KLF12: variants seen among roughly 807,000 people sequenced by gnomAD.
KLF12 encodes Krueppel-like factor 12.
Under a neutral mutation model 37.8 loss-of-function variants are expected in KLF12, and 9 were observed. The ratio of observed to expected loss-of-function variants is 0.24; its 90% CI spans 0.14 to 0.42. The LOEUF (loss-of-function observed/expected upper bound fraction) is 0.42. KLF12 is among the 10% of genes least tolerant of loss of function. The probability of loss-of-function intolerance (pLI) is 1.00; values close to 1 mark genes in which losing one functional copy is unlikely to be tolerated. For synonymous variants in KLF12, 208 were observed against 202.1 expected, an observed-to-expected ratio of 1.03 and a Z score of -0.25; for missense variants, 411 against 516.0, an observed-to-expected ratio of 0.80 and a Z score of 1.97.
At chr13:73,970,610 C>G (rs2138100430) in intron 2 of KLF12, among the ~76,000 whole-genome samples, 1 of 152,314 alleles carries the variant, frequency 6.6e-6, no homozygotes, top group East Asian at 1.9e-4. Context: ...CATATGCCAA[C>G]TGGCGACATA....
the KLF12 span, among the ~76,000 whole-genome samples, chr13:74,153,043 T>A: frequency 6.6e-6 from 1 of 152,078 alleles, no homozygotes; most frequent in East Asian, 1.9e-4. Context: ...GTTTATTAAA[T>A]GTTTGCTATG....
At chr13:74,198,611 G>A in the KLF12 span, among the ~76,000 whole-genome samples, 1 of 152,068 alleles carries the variant, frequency 6.6e-6, no homozygotes, top group African/African-American at 2.4e-5. Flanking sequence ...AAAAACTGGG[G>A]CCTGTATTGT....
chr13:74,197,708 T>A, the KLF12 span, among the ~76,000 whole-genome samples: 3 of 152,202 alleles, frequency 2.0e-5, no homozygotes, highest in Admixed American at 1.3e-4. Context: ...GCAAATATAA[T>A]GTAATAGTGA....
At chr13:74,173,409 T>G in the KLF12 span, among the ~76,000 whole-genome samples, 3 of 152,220 alleles carry the variant, frequency 2.0e-5, no homozygotes, top group African/African-American at 7.2e-5. Context: ...TTCTTGCATT[T>G]AGTTGTAGCC....
In KLF12 at chr13:73,918,520, T is replaced by C. The variant is rs181268244; in HGVS notation, c.123+25461A>G. Among the ~76,000 whole-genome samples the C allele has an allele frequency of 3.9e-5, 6 of 152,262 alleles. No homozygotes were observed. In the East Asian group the frequency reaches 9.7e-4, roughly 25 times the overall value. On this transcript the variant is annotated intron_variant, in intron 3 of 7. Transcript: ENST00000377669. ...AAGATATTTTTTTTACACAGAACTATTTTAGGCCGATTTTTATACTTGATA... is the reference window on the plus strand; with the variant it reads ...AAGATATTTTTTTTACACAGAACTACTTTAGGCCGATTTTTATACTTGATA...
chr13:73,992,140 C>T (rs537611568), intron 2 of KLF12, among the ~76,000 whole-genome samples: 1 of 152,282 alleles, frequency 6.6e-6, no homozygotes, highest in South Asian at 2.1e-4. Flanking sequence ...CTGCTCTAAG[C>T]CAGCTGCTGA....
At chr13:73,902,247 A>G (rs970961976) in intron 3 of KLF12, among the ~76,000 whole-genome samples, 15 of 152,222 alleles carry the variant, frequency 9.9e-5, no homozygotes, top group Admixed American at 9.8e-4. Context: ...AGATTCAGAA[A>G]CTGTACAGGA....
At chr13:73,878,905 G>A (rs1294917983) in intron 3 of KLF12, among the ~76,000 whole-genome samples, 2 of 152,156 alleles carry the variant, frequency 1.3e-5, no homozygotes, top group Admixed American at 6.5e-5. Flanking sequence ...AGAAATGGGG[G>A]TGAGGAGCAA....
At chr13:74,173,417 G>C in the KLF12 span, among the ~76,000 whole-genome samples, 1 of 152,152 alleles carries the variant, frequency 6.6e-6, no homozygotes, top group Non-Finnish European at 1.5e-5. Context: ...TTTAGTTGTA[G>C]CCATCTAGAC....
At chr13:74,183,454 G>A in the KLF12 span, among the ~76,000 whole-genome samples, 8 of 152,106 alleles carry the variant, frequency 5.3e-5, no homozygotes, top group East Asian at 1.9e-4. Flanking sequence ...CATATGACTC[G>A]TCATCAATCT....
rs182283940 is a variant in KLF12, at chr13:73,983,575, T to C, written c.33+11415A>G. The stretch of plus-strand genomic sequence containing the variant: ...AAACTATTGCTATCATTCTTGCTCA[T>C]AACTTTGCTCTAAACTTTACTATCT... On this transcript the variant is annotated intron_variant, in intron 2 of 7. Transcript: ENST00000377669. Among the ~76,000 whole-genome samples, 157 of 152,382 alleles carry C rather than the reference T, an allele frequency of 1.0e-3. 1 individual carries two copies. Among genetic ancestry groups the C allele is most frequent in the African/African-American group, 3.6e-3 (150 of 41,594 alleles).
rs186716622 is a variant in KLF12, at chr13:73,845,410, A to G, written c.670+417T>C. Among the ~76,000 whole-genome samples the G allele has an allele frequency of 2.5e-4, 38 of 152,330 alleles. 1 individual carries two copies. The highest frequency in any genetic ancestry group is 1.7e-3 in the East Asian group (9 of 5,188). ...ATTATTATCACCTAAATAAATTCCA[A>G]CTGAACAACTCAACAAAGAAACATC... On this transcript the variant is annotated intron_variant, in intron 4 of 7. Coordinates refer to ENST00000377669, the MANE Select transcript of KLF12 (RefSeq NM_007249.5).
At chr13:73,890,769 C>T (rs1051552399) in intron 3 of KLF12, among the ~76,000 whole-genome samples, 1 of 151,826 alleles carries the variant, frequency 6.6e-6, no homozygotes, top group African/African-American at 2.4e-5. Context: ...AATAAGTCTC[C>T]TCTCTTTTAA....
chr13:74,177,677 G>C, the KLF12 span, among the ~76,000 whole-genome samples: 2 of 152,158 alleles, frequency 1.3e-5, no homozygotes, highest in Non-Finnish European at 2.9e-5. Context: ...AAAGTAAAAA[G>C]AATAATCAGA....
At chr13:73,899,026 G>A (rs1292959290) in intron 3 of KLF12, among the ~76,000 whole-genome samples, 1 of 152,162 alleles carries the variant, frequency 6.6e-6, no homozygotes, top group Non-Finnish European at 1.5e-5. Context: ...TGGCAACAGT[G>A]GAGGAAGATG....
Position 73,699,800 on chromosome 13 carries a change from C to T in KLF12, c.1028-4129G>A, listed in dbSNP as rs377231379. ...GGCAGAAGCAGCAGGGAAAACAGCA[C>T]CTGGTAGAGCAAGGGTTTGTCTGAG... is the stretch of plus-strand genomic sequence containing the variant. On this transcript the variant is annotated intron_variant, in intron 7 of 7. Transcript: ENST00000377669. Among the ~76,000 whole-genome samples the T allele has an allele frequency of 2.4e-4, 37 of 152,190 alleles. No individual in the cohort carries two copies. In the East Asian group the frequency reaches 4.4e-3, roughly 18 times the overall value.
chr13:74,122,336 C>G (rs978459229), intron 1 of KLF12, among the ~76,000 whole-genome samples: 2 of 152,026 alleles, frequency 1.3e-5, no homozygotes, highest in African/African-American at 4.8e-5. Flanking sequence ...TTCAAAGTCA[C>G]TAACAATCAG....
At chr13:74,254,674 C>T in the KLF12 span, among the ~76,000 whole-genome samples, 6 of 152,168 alleles carry the variant, frequency 3.9e-5, no homozygotes, top group Admixed American at 1.3e-4. Flanking sequence ...TAGCCTCTTC[C>T]GTGTGATGTG....
intron 3 of KLF12, among the ~76,000 whole-genome samples, chr13:73,923,351 C>T (rs901450898): frequency 6.6e-6 from 1 of 152,140 alleles, no homozygotes; most frequent in Admixed American, 6.6e-5. Context: ...CCAGTATTAC[C>T]CATATCTCAC....
Sources: gnomAD v4.1 joint callset for allele counts (sites outside exome capture counted in the v4.1 genomes callset) on GRCh38, gnomAD v4.1.1 for gene constraint, MANE v1.5 for transcripts, NCBI Gene and HGNC (gene_info 2026-07-23, HGNC 2026-07-21) for gene names.